The following C4orf50 variants were observed in gnomAD, a reference collection of about 807,000 sequenced individuals.
C4orf50 encodes the protein uncharacterized protein C4orf50.
Under a neutral mutation model 77.2 loss-of-function variants are expected in C4orf50, and 80 were observed. The ratio of observed to expected loss-of-function variants is 1.04; its 90% CI spans 0.87 to 1.25. The LOEUF (loss-of-function observed/expected upper bound fraction) is 1.25, where lower values mean the gene tolerates loss of function less well. C4orf50 is among the 50% of genes most tolerant of loss of function. The pLI, the probability that C4orf50 is intolerant of heterozygous loss-of-function variation, is 0.00. For missense variants in C4orf50, 1,257 were observed against 1,152.9 expected (o/e 1.09, Z -1.31); for synonymous variants, 532 against 465.3 (o/e 1.14, Z -1.84).
chr4:5,901,325 T>C lies in C4orf50; in HGVS notation c.*2475-3137A>G, dbSNP rs1716332650. ...TCTGCAAAATGCCTTCCCATCCAGT[T>C]TTTCCATTATTGCGCACAGTAGGTG... On this transcript the variant is annotated intron_variant, in intron 7 of 7. Transcript: ENST00000324058. The surrounding 1 kb of genome is among the most constrained non-coding windows in gnomAD (Gnocchi z 4.4). 6.6e-6 allele frequency: 1 copy of C among 152,190 alleles called. No individual in the cohort carries two copies. Among genetic ancestry groups the C allele is most frequent in the African/African-American group, 2.4e-5 (1 of 41,450 alleles). 9.4% of individuals were successfully genotyped at this position (152,190 alleles called of 1,614,324 possible).
intron 7 of C4orf50, among the ~76,000 whole-genome samples, chr4:5,946,828 A>G (rs1189756348): frequency 6.6e-6 from 1 of 152,260 alleles, no homozygotes; most frequent in Non-Finnish European, 1.5e-5. Context: ...CCATTATTAC[A>G]TCTGCGATGA....
At chr4:6,003,322 TAAAA>T (rs1039985624) in intron 25 of C4orf50, among the ~76,000 whole-genome samples, 1 of 151,936 alleles carries the variant, frequency 6.6e-6, no homozygotes, top group Non-Finnish European at 1.5e-5. Flanking sequence ...GAAAAATAAA[TAAAA>T]AGTCAAGAGA....
chr4:5,907,012 G>A lies in C4orf50; in HGVS notation c.*2475-8824C>T, dbSNP rs1286906540. ...CATGAGGCAGATCTTGGAAATCTGT[G>A]TTTCCAATGAGTTCCATGCTATGCT... On this transcript the variant is annotated intron_variant, in intron 7 of 7. Transcript: ENST00000324058. Among the ~76,000 whole-genome samples the A allele has an allele frequency of 2.0e-5, 3 of 152,176 alleles. No individual in the cohort carries two copies. The East Asian group carries it at 5.8e-4, about 29-fold the overall frequency.
At chr4:5,957,118 G>C (rs1216184383) in exon 34 of C4orf50, 2 of 152,234 alleles carry the variant, frequency 1.3e-5, no homozygotes, top group Non-Finnish European at 2.9e-5. Context: ...GCTCTGCCTT[G>C]GAAACATGAT....
chr4:5,980,361 T>C, intron 28 of C4orf50, 23 bp from the exon 7 acceptor site: 1 of 1,605,950 alleles, frequency 6.2e-7, no homozygotes, highest in Non-Finnish European at 8.5e-7. Flanking sequence ...CAGATTTGAA[T>C]GAAATGTTTA....
chr4:5,933,093 T>C (rs1041595264), intron 7 of C4orf50, among the ~76,000 whole-genome samples: 1 of 152,174 alleles, frequency 6.6e-6, no homozygotes, highest in African/African-American at 2.4e-5. Context: ...GGTGTTGTCT[T>C]GTGCATCCTA....
intron 31 of C4orf50, among the ~76,000 whole-genome samples, chr4:5,971,168 T>A (rs1399112053): frequency 6.6e-6 from 1 of 151,992 alleles, no homozygotes; most frequent in Non-Finnish European, 1.5e-5. Context: ...CCCATCAGAG[T>A]CTCCCCAGCC....
chr4:5,983,501 C>T (rs1184997009), intron 28 of C4orf50, among the ~76,000 whole-genome samples: 1 of 152,206 alleles, frequency 6.6e-6, no homozygotes, highest in South Asian at 2.1e-4. Flanking sequence ...CTTTTCTAAC[C>T]TTCGAAGTCT....
At chr4:5,944,325 G>T (rs1422804069) in intron 7 of C4orf50, among the ~76,000 whole-genome samples, 1 of 152,148 alleles carries the variant, frequency 6.6e-6, no homozygotes, top group East Asian at 1.9e-4. Context: ...GCAGGGGAAT[G>T]ACTTGTTTAT....
chr4:5,959,495 G>T (rs764812662), exon 34 of C4orf50: 1 of 1,614,196 alleles, frequency 6.2e-7, no homozygotes, highest in South Asian at 1.1e-5. Context: ...GTGCTGGGAC[G>T]TTATCGACTT....
At chr4:5,926,771 C>G (rs1278599770) in intron 7 of C4orf50, among the ~76,000 whole-genome samples, 1 of 152,158 alleles carries the variant, frequency 6.6e-6, no homozygotes, top group South Asian at 2.1e-4. Context: ...GCCCACCCTG[C>G]CTGCATGACC....
chr4:5,910,699 A>G (rs1716765064), intron 7 of C4orf50, among the ~76,000 whole-genome samples: 2 of 152,144 alleles, frequency 1.3e-5, no homozygotes, highest in African/African-American at 4.8e-5. Flanking sequence ...GCATTCTTCA[A>G]GAATCTTCTA....
At position 5,989,394 on chromosome 4, in the gene C4orf50, C is replaced by T. The variant is rs760171898; in HGVS notation, c.2652G>A (p.Thr884=). The change falls in exon 28 of 34, where the codon ACG becomes ACA. Residue 884 remains threonine, a synonymous_variant. Coordinates refer to ENST00000531445, the Ensembl canonical transcript of C4orf50. ...CAGGAACTTCGCTGGTGCCCAGGGC[C>T]GTGGTCTTTCCCGGCTTATCACCTT... 63 of 1,535,958 alleles carry T rather than the reference C, an allele frequency of 4.1e-5. 1 individual carries two copies. Among genetic ancestry groups the T allele is most frequent in the African/African-American group, 2.7e-5 (2 of 73,016 alleles).
intron 29 of C4orf50, among the ~76,000 whole-genome samples, chr4:5,977,054 G>A (rs1399131798): frequency 6.6e-6 from 1 of 152,144 alleles, no homozygotes; most frequent in Non-Finnish European, 1.5e-5. Context: ...CGTGAGACAT[G>A]ACAGAAAAAA....
intron 7 of C4orf50, among the ~76,000 whole-genome samples, chr4:5,931,683 C>T (rs868256257): frequency 6.6e-6 from 1 of 152,124 alleles, no homozygotes; most frequent in African/African-American, 2.4e-5. Context: ...GAGGCCCACT[C>T]CACCCTCTCT....
intron 7 of C4orf50, among the ~76,000 whole-genome samples, chr4:5,930,395 C>T (rs1443672870): frequency 6.6e-6 from 1 of 152,210 alleles, no homozygotes; most frequent in Non-Finnish European, 1.5e-5. Flanking sequence ...ACTTCCTATC[C>T]CCGCAGGCTG....
In C4orf50 at chr4:6,011,488, G is replaced by T. The variant is rs1035637124; in HGVS notation, c.426+342C>A. 1.3e-5 allele frequency among the ~76,000 whole-genome samples: 2 copies of T among 151,950 alleles called. No homozygotes were observed. The highest frequency in any genetic ancestry group is 4.8e-5 in the African/African-American group (2 of 41,354). On this transcript the variant is annotated intron_variant, in intron 24 of 33. Coordinates refer to ENST00000531445, the Ensembl canonical transcript of C4orf50. The surrounding 1 kb of genome is among the most constrained non-coding windows in gnomAD (Gnocchi z 4.2). Reference sequence around the variant, plus strand: ...ACTCCCCCATGGCACCCCACATCCGGGTTTAGAGTTATTTGTTTCTTATCA... The same window carrying T: ...ACTCCCCCATGGCACCCCACATCCGTGTTTAGAGTTATTTGTTTCTTATCA...
rs1003846266 is a variant in C4orf50, at chr4:5,918,973, C to T, written c.*2475-20785G>A. Among the ~76,000 whole-genome samples, 12 of 152,146 alleles carry T rather than the reference C, an allele frequency of 7.9e-5. No individual in the cohort carries two copies. In the South Asian group the frequency reaches 8.3e-4, roughly 11 times the overall value. ...CAGGGCTGAGAATCACCGGTCCAGA[C>T]TGCATTCCTCTGCACAGATGGGGAA... is the stretch of plus-strand genomic sequence containing the variant. On this transcript the variant is annotated intron_variant, in intron 7 of 7. Transcript: ENST00000324058.
Position 6,016,910 on chromosome 4 carries a change from C to G in C4orf50, c.287+1235G>C, listed in dbSNP as rs558659133. 3.9e-5 allele frequency among the ~76,000 whole-genome samples: 6 copies of G among 152,318 alleles called. No homozygotes were observed. In the East Asian group the frequency reaches 1.2e-3, roughly 29 times the overall value. Reference sequence around the variant, plus strand: ...GAAAATGGGGAAGTCCCGCAAAAATCCAAGGCACGTGGCTGCTGGGATATG... The same window carrying G: ...GAAAATGGGGAAGTCCCGCAAAAATGCAAGGCACGTGGCTGCTGGGATATG... On this transcript the variant is annotated intron_variant, in intron 23 of 33. Transcript: ENST00000531445.
Sources: gnomAD v4.1 joint callset for allele counts (sites outside exome capture counted in the v4.1 genomes callset) on GRCh38, gnomAD v4.1.1 for gene constraint, Gnocchi (gnomAD v3.1) non-coding constraint, MANE v1.5 for transcripts, NCBI Gene and HGNC (gene_info 2026-07-23, HGNC 2026-07-21) for gene names.